GLRB: variants seen among roughly 807,000 people sequenced by gnomAD.
GLRB encodes glycine receptor beta, also known as glycine receptor subunit beta.
Under a neutral mutation model 54.2 loss-of-function variants are expected in GLRB, and 33 were observed. The ratio of observed to expected loss-of-function variants is 0.61; its 90% CI spans 0.46 to 0.81. The LOEUF is 0.81. GLRB is among the 40% of genes least tolerant of loss of function. GLRB has a pLI of 0.00. For synonymous variants in GLRB, 209 were observed against 208.2 expected (o/e 1.00, Z -0.03); for missense variants, 572 against 584.6 (o/e 0.98, Z 0.22).
At chr4:157,150,356 CTGA>C (rs1736973831) in intron 8 of GLRB, among the ~76,000 whole-genome samples, 5 of 151,960 alleles carry the variant, frequency 3.3e-5, no homozygotes, top group Non-Finnish European at 7.4e-5. Flanking sequence ...CTTCTTATAT[CTGA>C]TATGATAAAA....
intron 9 of GLRB, among the ~76,000 whole-genome samples, chr4:157,153,302 A>T (rs182846888): frequency 2.0e-4 from 31 of 152,216 alleles, no homozygotes; most frequent in Admixed American, 2.0e-3. Context: ...GTCACCATTG[A>T]ATTTGGAGAC....
intron 2 of GLRB, among the ~76,000 whole-genome samples, chr4:157,115,251 G>GTT (rs34188430): frequency 4.4e-5 from 5 of 112,462 alleles, no homozygotes; most frequent in South Asian, 5.8e-4. Flanking sequence ...CCATTATGGT[G>GTT]TTTTTTTTTT....
At chr4:157,110,223 G>A (rs950204459) in intron 2 of GLRB, among the ~76,000 whole-genome samples, 5 of 151,892 alleles carry the variant, frequency 3.3e-5, no homozygotes, top group African/African-American at 1.2e-4. Context: ...ACTCCAGAGT[G>A]TTTACAGGTT....
chr4:157,123,948 A>G (rs1038598798), intron 4 of GLRB, among the ~76,000 whole-genome samples: 3 of 151,634 alleles, frequency 2.0e-5, no homozygotes, highest in Admixed American at 6.6e-5. Flanking sequence ...TCTTCTTTGC[A>G]TATGTCATAG....
intron 7 of GLRB, among the ~76,000 whole-genome samples, chr4:157,140,428 C>T (rs1736565471): frequency 6.6e-6 from 1 of 151,868 alleles, no homozygotes; most frequent in Non-Finnish European, 1.5e-5. Context: ...AGTAGTATTC[C>T]ATCTCCCATT....
chr4:157,084,566 G>A (rs1422990222), intron 2 of GLRB: 2 of 455,656 alleles, frequency 4.4e-6, no homozygotes, highest in Non-Finnish European at 8.8e-6. Context: ...TGTGTGTTGA[G>A]AAAATGTGAT....
intron 8 of GLRB, among the ~76,000 whole-genome samples, chr4:157,151,155 G>A (rs1345279439): frequency 1.3e-5 from 2 of 152,024 alleles, no homozygotes; most frequent in Admixed American, 1.3e-4. Context: ...TTATTAATCA[G>A]CATGAAATAC....
chr4:157,120,780 A>G (rs1044924122), intron 3 of GLRB, 118 bp downstream of exon 3: 7 of 560,008 alleles, frequency 1.2e-5, no homozygotes, highest in South Asian at 1.0e-4. Context: ...GTAAGATTTC[A>G]AAGTGATATA....
In GLRB at chr4:157,094,227, A is replaced by G. The variant is rs149914310; in HGVS notation, c.122+16081A>G. On this transcript the variant is annotated intron_variant, in intron 2 of 9. Coordinates refer to ENST00000264428, the MANE Select transcript of GLRB (RefSeq NM_000824.5). ...ACATCACTTTCTTTCCAAATTACTC[A>G]TTGCCAACTCCAGTGATTACCATTC... Among the ~76,000 whole-genome samples, 690 of 152,326 alleles carry G rather than the reference A, an allele frequency of 4.5e-3. 8 individuals are homozygous for G. Among genetic ancestry groups the G allele is most frequent in the African/African-American group, 0.016 (647 of 41,584 alleles).
intron 8 of GLRB, among the ~76,000 whole-genome samples, chr4:157,149,024 A>C (rs1212405610): frequency 6.6e-6 from 1 of 152,104 alleles, no homozygotes; most frequent in Admixed American, 6.6e-5. Flanking sequence ...ATACTGACTC[A>C]GACTAAATTT....
chr4:157,094,956 G>A (rs1734750831), intron 2 of GLRB, among the ~76,000 whole-genome samples: 1 of 152,118 alleles, frequency 6.6e-6, no homozygotes, highest in Non-Finnish European at 1.5e-5. Flanking sequence ...TATTTATTTT[G>A]TCACACTTAG....
intron 8 of GLRB, among the ~76,000 whole-genome samples, chr4:157,147,923 A>G (rs1345098185): frequency 1.3e-5 from 2 of 152,210 alleles, no homozygotes; most frequent in Non-Finnish European, 2.9e-5. Context: ...TAGACAATAT[A>G]TAACTGAACG....
At chr4:157,083,231 A>C (rs1359396021) in intron 2 of GLRB, among the ~76,000 whole-genome samples, 2 of 152,200 alleles carry the variant, frequency 1.3e-5, no homozygotes, top group East Asian at 3.9e-4. Flanking sequence ...AAATCATATC[A>C]TATTAGGAAG....
intron 9 of GLRB, 39 bp downstream of exon 9, chr4:157,153,049 C>T (rs935500775): frequency 4.6e-6 from 7 of 1,518,492 alleles, no homozygotes; most frequent in South Asian, 4.5e-5. Flanking sequence ...TTTCCCCCAA[C>T]CACTTCATAG....
chr4:157,088,676 C>T (rs1371943632), intron 2 of GLRB, among the ~76,000 whole-genome samples: 1 of 152,022 alleles, frequency 6.6e-6, no homozygotes, highest in Non-Finnish European at 1.5e-5. Flanking sequence ...TCCTTTTCTC[C>T]TTTTCTCTTG....
At chr4:157,106,126 C>T (rs1433489785) in intron 2 of GLRB, among the ~76,000 whole-genome samples, 1 of 151,794 alleles carries the variant, frequency 6.6e-6, no homozygotes, top group Non-Finnish European at 1.5e-5. Context: ...GAAAGTTGTT[C>T]CTTCATTTTT....
At chr4:157,117,032 G>A (rs532017155) in intron 2 of GLRB, among the ~76,000 whole-genome samples, 1 of 151,494 alleles carries the variant, frequency 6.6e-6, no homozygotes, top group Non-Finnish European at 1.5e-5. Flanking sequence ...TGTTGCTAAC[G>A]AACAAAAATT....
At chr4:157,119,945 G>A (rs1212638077) in intron 2 of GLRB, among the ~76,000 whole-genome samples, 1 of 151,730 alleles carries the variant, frequency 6.6e-6, no homozygotes, top group Non-Finnish European at 1.5e-5. Context: ...TATGTGTATT[G>A]CGGCACTATT....
chr4:157,127,249 G>T (rs948818992), intron 4 of GLRB, among the ~76,000 whole-genome samples: 1 of 151,576 alleles, frequency 6.6e-6, no homozygotes, highest in Non-Finnish European at 1.5e-5. Context: ...ATGTACTATA[G>T]AATAATAGAA....
Sources: gnomAD v4.1 joint callset for allele counts (sites outside exome capture counted in the v4.1 genomes callset) on GRCh38, gnomAD v4.1.1 for gene constraint, MANE v1.5 for transcripts, NCBI Gene and HGNC (gene_info 2026-07-23, HGNC 2026-07-21) for gene names.